SCAI: variants seen among roughly 807,000 people sequenced by gnomAD.
SCAI encodes suppressor of cancer cell invasion, also known as protein SCAI.
Under a neutral mutation model 92.2 loss-of-function variants are expected in SCAI, and 24 were observed. The observed-to-expected ratio is 0.26, with a 90% CI of 0.19 to 0.37. The LOEUF is 0.37. Ranked by LOEUF, SCAI falls within the 10% of genes least tolerant of loss-of-function variation. SCAI has a pLI of 1.00. For synonymous variants in SCAI, 261 were observed against 258.6 expected, an observed-to-expected ratio of 1.01 and a Z score of -0.09; for missense variants, 450 against 736.2, an observed-to-expected ratio of 0.61 and a Z score of 4.50.
At chr9:125,066,050 CCT>C (rs773074503) in intron 2 of SCAI, 5 of 767,410 alleles carry the variant, frequency 6.5e-6, no homozygotes, top group African/African-American at 5.1e-5. Flanking sequence ...ATCACCAGAA[CCT>C]CTGATACTGT....
At chr9:125,123,142 G>A (rs563720406) in intron 2 of SCAI, among the ~76,000 whole-genome samples, 1 of 152,222 alleles carries the variant, frequency 6.6e-6, no homozygotes, top group South Asian at 2.1e-4. Flanking sequence ...TAGGCAGATT[G>A]CCTGTGCTCA....
intron 3 of SCAI, 127 bp downstream of exon 3, chr9:125,055,749 T>C (rs1045132044): frequency 8.6e-6 from 5 of 581,952 alleles, no homozygotes; most frequent in Middle Eastern, 3.1e-4. Flanking sequence ...GAAAAAATCA[T>C]GATCACTCTA....
At chr9:125,025,595 T>C (rs138749429) in intron 6 of SCAI, among the ~76,000 whole-genome samples, 6 of 152,334 alleles carry the variant, frequency 3.9e-5, no homozygotes, top group South Asian at 2.1e-4. Context: ...GGAGGAAATA[T>C]ATCTGTAGTG....
chr9:125,073,979 C>T (rs528312568), intron 2 of SCAI, among the ~76,000 whole-genome samples: 17 of 151,012 alleles, frequency 1.1e-4, no homozygotes, highest in Admixed American at 6.6e-4. Context: ...TTGCCAGGCG[C>T]GGTGGCTCAT....
chr9:125,051,764 T>C (rs1833565182), intron 3 of SCAI, among the ~76,000 whole-genome samples: 1 of 152,220 alleles, frequency 6.6e-6, no homozygotes, highest in Non-Finnish European at 1.5e-5. Flanking sequence ...TTCCACTCCA[T>C]ACACAAAAAT....
chr9:124,957,843 C>T (rs1831353665), intron 17 of SCAI, among the ~76,000 whole-genome samples: 1 of 151,958 alleles, frequency 6.6e-6, no homozygotes, highest in Admixed American at 6.6e-5. Context: ...CCACCACACA[C>T]AGCTAATTTT....
intron 15 of SCAI, among the ~76,000 whole-genome samples, chr9:124,973,741 T>C (rs537816548): frequency 6.6e-6 from 1 of 152,212 alleles, no homozygotes; most frequent in African/African-American, 2.4e-5. Flanking sequence ...GCAAGGAGAA[T>C]CGCTTGAACT....
chr9:125,085,686 T>C (rs1834311365), intron 2 of SCAI, among the ~76,000 whole-genome samples: 1 of 152,044 alleles, frequency 6.6e-6, no homozygotes, highest in African/African-American at 2.4e-5. Context: ...GAGGCTGAGG[T>C]AGGAGGATCA....
Position 124,981,654 on chromosome 9 carries a change from A to AT in SCAI, c.1327-5469dup, listed in dbSNP as rs747802866. Among the ~76,000 whole-genome samples the AT allele has an allele frequency of 5.0e-3, 723 of 145,562 alleles. 3 individuals are homozygous for AT. The highest frequency in any genetic ancestry group is 0.016 in the African/African-American group (635 of 40,034). The stretch of plus-strand genomic sequence containing the variant: ...CTATCGACATAGTTTATAGTATTAA[A>AT]TTTTTTTTTTTTTTAGTCAAGGTCT... On this transcript the variant is annotated intron_variant, in intron 14 of 17. Transcript: ENST00000336505.
chr9:125,107,013 C>T (rs1834815882), intron 2 of SCAI, among the ~76,000 whole-genome samples: 2 of 151,852 alleles, frequency 1.3e-5, no homozygotes, highest in Non-Finnish European at 2.9e-5. Context: ...CCATGCCTGG[C>T]CTTGAGTTAT....
intron 2 of SCAI, among the ~76,000 whole-genome samples, chr9:125,109,325 CT>C (rs1834885952): frequency 6.6e-6 from 1 of 151,952 alleles, no homozygotes. Context: ...CCAAATCCCC[CT>C]CTGCGAGAAA....
At position 125,129,610 on chromosome 9, in the gene SCAI, C is replaced by T. The variant is rs146978539; in HGVS notation, c.98+13023G>A. ...TACCAAGTAGATGGGATTACAGGCA[C>T]GTGCCACCACACCTGGCTGATTTTT... On this transcript the variant is annotated intron_variant, in intron 2 of 17. Transcript: ENST00000336505. Among the ~76,000 whole-genome samples the T allele has an allele frequency of 1.8e-3, 268 of 150,576 alleles. 2 individuals carry two copies. Among genetic ancestry groups the T allele is most frequent in the African/African-American group, 6.4e-3 (264 of 41,078 alleles).
chr9:124,972,898 C>T (rs1024722448), intron 15 of SCAI, among the ~76,000 whole-genome samples: 2 of 152,200 alleles, frequency 1.3e-5, no homozygotes, highest in African/African-American at 4.8e-5. Context: ...ATGCCCCTCC[C>T]AAGTTCATTC....
chr9:125,118,392 C>T (rs975572728), intron 2 of SCAI, among the ~76,000 whole-genome samples: 1 of 152,082 alleles, frequency 6.6e-6, no homozygotes, highest in African/African-American at 2.4e-5. Flanking sequence ...GTGGCATGCA[C>T]CTGTAGTCCC....
intron 2 of SCAI, among the ~76,000 whole-genome samples, chr9:125,083,066 T>C (rs768028047): frequency 1.3e-5 from 2 of 152,162 alleles, no homozygotes; most frequent in African/African-American, 4.8e-5. Context: ...TGAATTCCCA[T>C]GTGTTGTGGG....
In SCAI at chr9:125,105,451, G is replaced by A. The variant is rs930461950; in HGVS notation, c.98+37182C>T. ...TTACCTATCGCTTCTTGGCCTTTTG[G>A]CCAAGATCAAGTGTAGTATCTGTTC... On this transcript the variant is annotated intron_variant, in intron 2 of 17. Coordinates refer to ENST00000336505, the MANE Select transcript of SCAI (RefSeq NM_001144877.3). 3.3e-5 allele frequency among the ~76,000 whole-genome samples: 5 copies of A among 152,288 alleles called. No individual in the cohort carries two copies. The East Asian group carries it at 9.6e-4, about 29-fold the overall frequency.
chr9:125,093,081 C>T (rs1305219334), intron 2 of SCAI, among the ~76,000 whole-genome samples: 1 of 152,234 alleles, frequency 6.6e-6, no homozygotes, highest in Non-Finnish European at 1.5e-5. Flanking sequence ...TCATTTCCGG[C>T]TGGGCACGAT....
At chr9:125,052,502 C>T (rs372684288) in intron 3 of SCAI, among the ~76,000 whole-genome samples, 1 of 151,870 alleles carries the variant, frequency 6.6e-6, no homozygotes, top group East Asian at 1.9e-4. Context: ...AGGAGAATCG[C>T]TTGGAGGCAG....
At position 124,974,307 on chromosome 9, in the gene SCAI, GT is replaced by G. The variant is rs532405498; in HGVS notation, c.1399+1806del. 110 of 426,334 alleles carry G rather than the reference GT, an allele frequency of 2.6e-4. 4 individuals carry two copies. Among genetic ancestry groups the G allele is most frequent in the South Asian group, 1.9e-3 (109 of 57,472 alleles). The allele number at this position is 426,334 out of a possible 1,614,324, so 26.4% of individuals were successfully genotyped here. A position where few individuals can be genotyped will look rare whatever the true frequency, so the allele number is the denominator to read the frequency against. On this transcript the variant is annotated intron_variant, in intron 15 of 17. Transcript: ENST00000336505. ...AAAAAAAAATACAAAAATTAGCTGG[GT>G]GTGGTAGTGTATACCTGTGGTCCCA...
Sources: allele counts gnomAD v4.1 joint callset (sites outside exome capture counted in the v4.1 genomes callset), GRCh38; gene constraint gnomAD v4.1.1; transcripts MANE v1.5; gene names NCBI Gene and HGNC (gene_info 2026-07-23, HGNC 2026-07-21).